The following ITGA2 variants were observed in gnomAD, a reference collection of about 807,000 sequenced individuals.
The protein encoded by ITGA2 is integrin subunit alpha 2, also known as integrin alpha-2.
Under a neutral mutation model 146.3 loss-of-function variants are expected in ITGA2, and 101 were observed. The observed-to-expected ratio is 0.69, with a 90% confidence interval of 0.59 to 0.81. The LOEUF is 0.81. Ranked by LOEUF, ITGA2 falls within the 40% of genes least tolerant of loss-of-function variation. The pLI is 0.00. For synonymous variants in ITGA2, 477 were observed against 487.1 expected, an observed-to-expected ratio of 0.98 and a Z score of 0.27; for missense variants, 1,281 against 1,402.7, an observed-to-expected ratio of 0.91 and a Z score of 1.39.
At chr5:53,017,218 T>TA in intron 1 of ITGA2, among the ~76,000 whole-genome samples, 1 of 152,364 alleles carries the variant, frequency 6.6e-6, no homozygotes, top group African/African-American at 2.4e-5. Flanking sequence ...TGTGGGCTGA[T>TA]ATTCCTTCAG....
At chr5:53,073,429 TATCTA>T (rs1745497481) in intron 20 of ITGA2, among the ~76,000 whole-genome samples, 170 bp downstream of exon 20, 1 of 151,906 alleles carries the variant, frequency 6.6e-6, no homozygotes, top group Non-Finnish European at 1.5e-5. Flanking sequence ...TCTGGCTCTA[TATCTA>T]GATTCTGCTT....
At chr5:53,073,312 A>C in intron 20 of ITGA2, 53 bp downstream of exon 20, 10 of 1,584,362 alleles carry the variant, frequency 6.3e-6, no homozygotes, top group South Asian at 1.1e-5. Flanking sequence ...CTTATAGATC[A>C]CTGTCTTCTC....
chr5:52,990,175 C>CT (rs1740867126), intron 1 of ITGA2: 1 of 154,224 alleles, frequency 6.5e-6, no homozygotes, highest in East Asian at 1.9e-4. Context: ...GGAATTCTTC[C>CT]TTCCCTTCTG....
intron 3 of ITGA2, among the ~76,000 whole-genome samples, chr5:53,043,503 T>C (rs1743908298): frequency 6.6e-6 from 1 of 152,180 alleles, no homozygotes. Flanking sequence ...CTTACTCACC[T>C]AGAGGATAAA....
At chr5:53,034,281 T>A (rs1248607320) in intron 2 of ITGA2, among the ~76,000 whole-genome samples, 1 of 151,996 alleles carries the variant, frequency 6.6e-6, no homozygotes, top group Non-Finnish European at 1.5e-5. Flanking sequence ...TCCTCAGCAC[T>A]ATTAATACAG....
intron 7 of ITGA2, 35 bp from the exon 8 acceptor site, chr5:53,055,484 CATATTAACTTCATATTTTG>C: frequency 6.5e-7 from 1 of 1,534,358 alleles, no homozygotes; most frequent in South Asian, 1.1e-5. Context: ...CAGAGGTTCT[CATATTAACTTCATATTTTG>C]ATAGCAAGTC....
chr5:53,029,589 G>A (rs1017141645), intron 2 of ITGA2, among the ~76,000 whole-genome samples: 3 of 152,038 alleles, frequency 2.0e-5, no homozygotes, highest in African/African-American at 4.8e-5. Flanking sequence ...TATAGCACTC[G>A]ACTGCTCTCT....
chr5:53,019,037 C>G (rs1742541499), intron 1 of ITGA2, among the ~76,000 whole-genome samples: 1 of 151,738 alleles, frequency 6.6e-6, no homozygotes, highest in African/African-American at 2.4e-5. Flanking sequence ...GCTCTCCAGC[C>G]TGGGTAACAG....
At chr5:53,039,172 A>G (rs756736046) in intron 2 of ITGA2, among the ~76,000 whole-genome samples, 2 of 152,320 alleles carry the variant, frequency 1.3e-5, no homozygotes, top group Non-Finnish European at 2.9e-5. Context: ...ATAGTACCAG[A>G]TGTTGTAAAA....
Position 53,042,117 on chromosome 5 carries a change from T to C in ITGA2, c.191T>C (p.Leu64Pro). 1 of 1,604,494 alleles carries C rather than the reference T, an allele frequency of 6.2e-7. No individual in the cohort carries two copies. The highest frequency in any genetic ancestry group is 8.5e-7 in the Non-Finnish European group (1 of 1,171,228). The change falls in exon 3 of 30, where the codon CTG becomes CCG. Residue 64 changes from leucine to proline, a missense_variant. Around this residue, in one of 3 missense-constraint regions of ITGA2, gnomAD observed 795 missense variants for 841.7 expected, o/e 0.94. Transcript: ENST00000296585. ...TAAAAAAAATGTGTTTCTAGGTTAC[T>C]GGTTGGTTCACCCTGGAGTGGCTTT... ...QFINPKGNWLLVGSPWSGFPE... is the reference protein window; with the variant it reads ...QFINPKGNWLPVGSPWSGFPE...
chr5:52,992,798 A>G (rs909516284), intron 1 of ITGA2, among the ~76,000 whole-genome samples: 1 of 152,198 alleles, frequency 6.6e-6, no homozygotes, highest in Non-Finnish European at 1.5e-5. Context: ...CATCTCAGGT[A>G]GGGTAAAGTG....
intron 1 of ITGA2, among the ~76,000 whole-genome samples, chr5:53,024,806 G>C (rs1650628471): frequency 6.6e-6 from 1 of 152,208 alleles, no homozygotes; most frequent in African/African-American, 2.4e-5. Context: ...AGAGTGGTCG[G>C]AAGTGAAGTC....
chr5:53,042,419 T>C (rs1029758279), intron 3 of ITGA2, among the ~76,000 whole-genome samples, 198 bp downstream of exon 3: 1 of 152,084 alleles, frequency 6.6e-6, no homozygotes, highest in African/African-American at 2.4e-5. Flanking sequence ...GCGTGGAAAA[T>C]GTGCTATCTC....
intron 7 of ITGA2, among the ~76,000 whole-genome samples, chr5:53,054,254 C>T (rs3212514): frequency 0.053 from 8,088 of 152,154 alleles, 738 homozygotes; most frequent in African/African-American, 0.19. Flanking sequence ...GCCCCATTTC[C>T]TACTGTTTTA....
intron 28 of ITGA2, 60 bp from the exon 29 acceptor site, chr5:53,089,886 G>T: frequency 1.0e-6 from 1 of 982,326 alleles, no homozygotes; most frequent in South Asian, 1.3e-5. Flanking sequence ...AATTGGACTA[G>T]ACCATCTCCC....
At chr5:53,063,028 T>C in intron 13 of ITGA2, 99 bp downstream of exon 13, 5 of 963,870 alleles carry the variant, frequency 5.2e-6, no homozygotes, top group East Asian at 2.7e-5. Context: ...AATGATAATT[T>C]GCACAGATAG....
intron 7 of ITGA2, among the ~76,000 whole-genome samples, chr5:53,052,475 C>T (rs1291130534): frequency 6.6e-6 from 1 of 152,128 alleles, no homozygotes; most frequent in Non-Finnish European, 1.5e-5. Context: ...TTAATGAGAA[C>T]AACAAGCTTG....
intron 1 of ITGA2, among the ~76,000 whole-genome samples, chr5:52,995,143 A>T (rs979830339): frequency 4.6e-5 from 7 of 152,194 alleles, no homozygotes; most frequent in Admixed American, 1.3e-4. Context: ...GTGGTATTCA[A>T]GTTGTTCCCA....
At chr5:53,047,412 A>G (rs1024951100) in intron 4 of ITGA2, among the ~76,000 whole-genome samples, 2 of 152,148 alleles carry the variant, frequency 1.3e-5, no homozygotes, top group East Asian at 1.9e-4. Context: ...GGACTCCTGA[A>G]AAGGAGAGAA....
Sources: allele counts gnomAD v4.1 joint callset (sites outside exome capture counted in the v4.1 genomes callset), GRCh38; gene constraint gnomAD v4.1.1; regional missense constraint gnomAD v4.1.1; transcripts MANE v1.5; gene names NCBI Gene and HGNC (gene_info 2026-07-23, HGNC 2026-07-21).